CAVIN4: variants seen among roughly 807,000 people sequenced by gnomAD.
CAVIN4 encodes the protein caveolae associated protein 4.
CAVIN4 carries 10 observed loss-of-function variants against 18.6 expected under a neutral mutation model. The ratio of observed to expected loss-of-function variants is 0.54; its 90% CI spans 0.33 to 0.91. CAVIN4 has a LOEUF of 0.91. CAVIN4 is among the 40% of genes least tolerant of loss of function. The pLI is 0.02. For missense variants in CAVIN4, 459 were observed against 440.5 expected (o/e 1.04, Z -0.38); for synonymous variants, 173 against 164.8 (o/e 1.05, Z -0.38).
At chr9:100,581,165 G>A (rs1053457085) in intron 1 of CAVIN4, 13 of 152,172 alleles carry the variant, frequency 8.5e-5, no homozygotes, top group Non-Finnish European at 1.5e-4. Flanking sequence ...GGAAGTTCTA[G>A]CAGGGGAGTG....
chr9:100,585,364 T>C (rs1452834405), intron 1 of CAVIN4, among the ~76,000 whole-genome samples: 1 of 152,076 alleles, frequency 6.6e-6, no homozygotes. Flanking sequence ...TGCTGAGAGG[T>C]ACAGGGAAAG....
intron 1 of CAVIN4, among the ~76,000 whole-genome samples, chr9:100,580,287 G>A (rs1839414565): frequency 6.6e-6 from 1 of 151,896 alleles, no homozygotes; most frequent in South Asian, 2.1e-4. Context: ...GTGAGACCCT[G>A]TCTTAAGAAA....
intron 1 of CAVIN4, among the ~76,000 whole-genome samples, chr9:100,582,361 A>G (rs889726629): frequency 2.0e-5 from 3 of 151,318 alleles, no homozygotes; most frequent in African/African-American, 7.3e-5. Context: ...TCTCTCTTTT[A>G]AAGAGACAGG....
At chr9:100,580,946 A>G (rs1471621074) in intron 1 of CAVIN4, 1 of 152,228 alleles carries the variant, frequency 6.6e-6, no homozygotes, top group Non-Finnish European at 1.5e-5. Flanking sequence ...ATAATTAATC[A>G]TCATAGTTAA....
At chr9:100,580,055 C>G (rs897818726) in intron 1 of CAVIN4, among the ~76,000 whole-genome samples, 1 of 151,474 alleles carries the variant, frequency 6.6e-6, no homozygotes, top group Non-Finnish European at 1.5e-5. Flanking sequence ...CCTTTCATGT[C>G]CCTGGAAGTC....
Position 100,586,240 on chromosome 9 carries a change from ACAT to A in CAVIN4, c.888_890del (p.Ile297del). On this transcript the variant is annotated inframe_deletion, in exon 2 of 2. Transcript: ENST00000307584. ...GAATGTGCCAGGGAGATGGGTGTGG[ACAT>A]CATTGCCAGGAGCGAGTCTCTGGGC... 1 of 1,574,650 alleles carries A rather than the reference ACAT, an allele frequency of 6.4e-7. No homozygotes were observed. Among genetic ancestry groups the A allele is most frequent in the East Asian group, 2.2e-5 (1 of 44,506 alleles).
At position 100,586,327 on chromosome 9, in the gene CAVIN4, C is replaced by A. The variant is rs147742000; in HGVS notation, c.971C>A (p.Pro324Gln). ...GAACCAGAACACGAGGCAGCCAGGC[C>A]GGTGTATCCTCCCCATGAAGGAAGG... ...LSEPEHEAAR[P>Q]VYPPHEGREI... Residue 324 changes from proline to glutamine, a missense_variant, in exon 2 of 2, where the codon CCG (proline) becomes CAG (glutamine). Transcript: ENST00000307584. 1 of 1,613,866 alleles carries A rather than the reference C, an allele frequency of 6.2e-7. No individual in the cohort carries two copies. The highest frequency in any genetic ancestry group is 8.5e-7 in the Non-Finnish European group (1 of 1,179,952).
chr9:100,581,593 A>G (rs1839428231), intron 1 of CAVIN4, among the ~76,000 whole-genome samples: 1 of 152,188 alleles, frequency 6.6e-6, no homozygotes, highest in Admixed American at 6.5e-5. Flanking sequence ...TGGAGTTGCA[A>G]CTAATAGATC....
upstream of CAVIN4, chr9:100,577,377 G>A (rs1367908320): frequency 2.0e-5 from 3 of 152,538 alleles, no homozygotes; most frequent in African/African-American, 4.8e-5. Context: ...ATACAAAAAT[G>A]ATTGTTAATG....
In CAVIN4 at chr9:100,585,974, CA is replaced by C; in HGVS notation, c.619del (p.Met207CysfsTer12). 6.2e-7 allele frequency: 1 copy of C among 1,614,114 alleles called. No homozygotes were observed. Reference protein sequence around the residue: ...NIKKAFSKENMQKTRQNLDKK... With the variant: ...NIKKAFSKENXQKTRQNLDKK... ...TCAAGAAGGCATTTTCCAAAGAAAA[CA>C]TGCAGAAGACACGGCAGAATCTTGA... On this transcript the variant is annotated frameshift_variant, in exon 2 of 2. Coordinates refer to ENST00000307584, the MANE Select transcript of CAVIN4 (RefSeq NM_001018116.2).
At position 100,586,511 on chromosome 9, in the gene CAVIN4, G is replaced by A. The variant is rs1042001140; in HGVS notation, c.*60G>A. The A allele has an allele frequency of 9.5e-6, 13 of 1,373,524 alleles. No individual in the cohort carries two copies. Among genetic ancestry groups the A allele is most frequent in the African/African-American group, 1.4e-5 (1 of 70,214 alleles). 85.1% of individuals were successfully genotyped at this position (1,373,524 alleles called of 1,614,324 possible). Reference sequence around the variant, plus strand: ...TAATCATGCAGTTTTAGTTTGAATAGTGTAGTCGTCTACATTTCTGTGCCA... The same window carrying A: ...TAATCATGCAGTTTTAGTTTGAATAATGTAGTCGTCTACATTTCTGTGCCA... On this transcript the variant is annotated 3_prime_UTR_variant, in exon 2 of 2. Coordinates refer to ENST00000307584, the MANE Select transcript of CAVIN4 (RefSeq NM_001018116.2).
At position 100,578,560 on chromosome 9, in the gene CAVIN4, G is replaced by A. The variant is rs376469478; in HGVS notation, c.408+9G>A. The A allele has an allele frequency of 3.2e-5, 51 of 1,612,584 alleles. No individual in the cohort carries two copies. In the African/African-American group the frequency reaches 5.2e-4, roughly 16 times the overall value. ...GCGTGGTAATATTCCAGGTAAGCTTGCACTTGTGTTCAGCTTGCTTGTTCT... is the reference window on the plus strand; with the variant it reads ...GCGTGGTAATATTCCAGGTAAGCTTACACTTGTGTTCAGCTTGCTTGTTCT... On this transcript the variant is annotated intron_variant, in intron 1 of 1. Transcript: ENST00000307584.
At chr9:100,579,679 C>G (rs556932981) in intron 1 of CAVIN4, among the ~76,000 whole-genome samples, 28 of 152,146 alleles carry the variant, frequency 1.8e-4, no homozygotes, top group African/African-American at 6.3e-4. Flanking sequence ...TTCACTGATG[C>G]ATATAAAGTG....
intron 1 of CAVIN4, among the ~76,000 whole-genome samples, chr9:100,584,672 TGAA>T (rs1325515603): frequency 2.0e-5 from 3 of 152,196 alleles, no homozygotes; most frequent in Non-Finnish European, 4.4e-5. Flanking sequence ...AATTGATTAT[TGAA>T]GAAAGATTTC....
At position 100,587,550 on chromosome 9, in the gene CAVIN4, T is replaced by C. The variant is rs1839493766; in HGVS notation, c.*1099T>C. The C allele has an allele frequency of 6.6e-6, 1 of 152,212 alleles. No homozygotes were observed. Among genetic ancestry groups the C allele is most frequent in the African/African-American group, 2.4e-5 (1 of 41,454 alleles). The allele number at this position is 152,212 out of a possible 1,614,324, so 9.4% of individuals were successfully genotyped here. On this transcript the variant is annotated 3_prime_UTR_variant, in exon 2 of 2. Coordinates refer to ENST00000307584, the MANE Select transcript of CAVIN4 (RefSeq NM_001018116.2). ...CCAGATTCTCCTTATCTTTTAGCTT[T>C]AGATCGTGGAATCCAGGAAGTAGAA...
chr9:100,586,496 GT>G lies in CAVIN4; in HGVS notation c.*49del, dbSNP rs1345800621. On this transcript the variant is annotated 3_prime_UTR_variant, in exon 2 of 2. Coordinates refer to ENST00000307584, the MANE Select transcript of CAVIN4 (RefSeq NM_001018116.2). ...TAAATATGAATCTCCTAATCATGCA[GT>G]TTTAGTTTGAATAGTGTAGTCGTCT... 1 of 1,524,146 alleles carries G rather than the reference GT, an allele frequency of 6.6e-7. No individual in the cohort carries two copies. The highest frequency in any genetic ancestry group is 9.0e-7 in the Non-Finnish European group (1 of 1,107,540). The allele number at this position is 1,524,146 out of a possible 1,614,324, so 94.4% of individuals were successfully genotyped here. A position where few individuals can be genotyped will look rare whatever the true frequency, so the allele number is the denominator to read the frequency against.
At chr9:100,582,256 C>A (rs965503164) in intron 1 of CAVIN4, among the ~76,000 whole-genome samples, 5 of 152,250 alleles carry the variant, frequency 3.3e-5, no homozygotes, top group Admixed American at 6.5e-5. Flanking sequence ...GGCTGGCTCT[C>A]AAGGTTTCCA....
At chr9:100,585,656 G>C in intron 1 of CAVIN4, 109 bp from the exon 2 acceptor site, 1 of 832,670 alleles carries the variant, frequency 1.2e-6, no homozygotes, top group South Asian at 1.4e-5. Context: ...TAAGGAGCAG[G>C]CAGAGGATAA....
Position 100,586,926 on chromosome 9 carries a change from TATAAG to T in CAVIN4, c.*477_*481del, listed in dbSNP as rs1839486815. ...TTGGCTCTAGTATCATAGCTTTACT[TATAAG>T]AAAACCCTGGGCAAGTCATCTGCTT... On this transcript the variant is annotated 3_prime_UTR_variant, in exon 2 of 2. Coordinates refer to ENST00000307584, the MANE Select transcript of CAVIN4 (RefSeq NM_001018116.2). 1 of 154,314 alleles carries T rather than the reference TATAAG, an allele frequency of 6.5e-6. No individual in the cohort carries two copies. Among genetic ancestry groups the T allele is most frequent in the African/African-American group, 2.4e-5 (1 of 41,446 alleles). 9.6% of individuals were successfully genotyped at this position (154,314 alleles called of 1,614,324 possible).
Sources: allele counts gnomAD v4.1 joint callset (sites outside exome capture counted in the v4.1 genomes callset), GRCh38; gene constraint gnomAD v4.1.1; transcripts MANE v1.5; gene names NCBI Gene and HGNC (gene_info 2026-07-23, HGNC 2026-07-21).